The following TAF1 variants were observed in gnomAD, a reference collection of about 807,000 sequenced individuals.
TAF1 encodes the protein TATA-box binding protein associated factor 1.
Under a neutral mutation model 138.5 loss-of-function variants are expected in TAF1, and 2 were observed. That is an observed-to-expected ratio of 0.01 (90% CI 0.01 to 0.05). The LOEUF (loss-of-function observed/expected upper bound fraction) is 0.05. TAF1 is among the 10% of genes least tolerant of loss of function. The probability of loss-of-function intolerance (pLI) is 1.00; values close to 1 mark genes in which losing one functional copy is unlikely to be tolerated. For synonymous variants in TAF1, 437 were observed against 503.2 expected, an observed-to-expected ratio of 0.87 and a Z score of 1.76; for missense variants, 709 against 1,478.0, an observed-to-expected ratio of 0.48 and a Z score of 8.53.
intron 13 of TAF1, among the ~76,000 whole-genome samples, chrX:71,515,346 G>A (rs2039806747): frequency 8.9e-6 from 1 of 111,773 alleles, no homozygotes; most frequent in African/African-American, 3.3e-5. Context: ...CTTCACCCCA[G>A]AGGCAGCCTT....
chrX:71,436,530 A>G (rs1217987054), intron 32 of TAF1, among the ~76,000 whole-genome samples: 3 of 108,129 alleles, frequency 2.8e-5, no homozygotes, highest in Non-Finnish European at 5.8e-5. Flanking sequence ...GTTTTTTTGT[A>G]GAGATGGGGT....
chrX:71,392,573 G>A lies in TAF1; in HGVS notation c.2786G>A (p.Arg929His), dbSNP rs1234368315. ...GAATCTTTTTCTTTATCTCAGGTTCGCACTGCCCCTTGGAACACCACAAGG... is the reference window on the plus strand; with the variant it reads ...GAATCTTTTTCTTTATCTCAGGTTCACACTGCCCCTTGGAACACCACAAGG... Reference protein sequence around the residue: ...DFQMKIDDEVRTAPWNTTRAF... With the variant: ...DFQMKIDDEVHTAPWNTTRAF... Residue 929 changes from arginine to histidine, a missense_variant, in exon 19 of 38, where the codon CGC becomes CAC. By Grantham distance (29) the Arg-to-His change is conservative (BLOSUM62 0). Coordinates refer to ENST00000423759, the MANE Select transcript of TAF1 (RefSeq NM_004606.5). 2.6e-6 allele frequency: 3 copies of A among 1,166,911 alleles called. No individual in the cohort carries two copies. Among genetic ancestry groups the A allele is most frequent in the Admixed American group, 2.8e-5 (1 of 35,556 alleles).
At chrX:71,438,060 T>A (rs1294434980) in intron 32 of TAF1, among the ~76,000 whole-genome samples, 2 of 110,085 alleles carry the variant, frequency 1.8e-5, no homozygotes, top group African/African-American at 6.6e-5. Context: ...GGTCTCAAAC[T>A]CCTGACCTCA....
At chrX:71,378,039 G>A in intron 6 of TAF1, 196 bp from the exon 7 acceptor site, 1 of 590,367 alleles carries the variant, frequency 1.7e-6, no homozygotes, top group Non-Finnish European at 2.6e-6. Context: ...AGGGGTAGAT[G>A]GTGATATGCT....
chrX:71,441,454 A>T (rs1473150102), intron 32 of TAF1, among the ~76,000 whole-genome samples: 1 of 111,176 alleles, frequency 9.0e-6, no homozygotes, highest in East Asian at 2.8e-4. Context: ...TAGCAATTGT[A>T]CATATTCTTG....
At chrX:71,420,593 A>G in intron 28 of TAF1, 2 of 1,208,748 alleles carry the variant, frequency 1.7e-6, no homozygotes, top group South Asian at 3.5e-5. Flanking sequence ...TAGCTCCTTT[A>G]GCTTCTCAGC....
chrX:71,437,953 A>C (rs2037229220), intron 32 of TAF1, among the ~76,000 whole-genome samples: 1 of 105,843 alleles, frequency 9.4e-6, no homozygotes, highest in Non-Finnish European at 1.9e-5. Flanking sequence ...CTCCTGCCTC[A>C]GCCTCCAGAG....
At chrX:71,381,001 C>G (rs1481875620) in intron 8 of TAF1, among the ~76,000 whole-genome samples, 1 of 111,374 alleles carries the variant, frequency 9.0e-6, no homozygotes, top group African/African-American at 3.3e-5. Context: ...ACAAAAATGT[C>G]TGATTTTTAA....
chrX:71,502,148 C>T (rs982004240), intron 13 of TAF1, among the ~76,000 whole-genome samples: 2 of 111,740 alleles, frequency 1.8e-5, no homozygotes, highest in Non-Finnish European at 3.8e-5. Context: ...CCTTATTTGT[C>T]CCTGCCCACG....
intron 13 of TAF1, among the ~76,000 whole-genome samples, chrX:71,472,256 AT>A (rs2038903830): frequency 8.9e-6 from 1 of 112,001 alleles, no homozygotes. Context: ...TTAATAGTTT[AT>A]TGAATTAATT....
At chrX:71,523,894 A>T (rs1316835681) in intron 13 of TAF1, among the ~76,000 whole-genome samples, 2 of 111,861 alleles carry the variant, frequency 1.8e-5, no homozygotes, top group Non-Finnish European at 3.8e-5. Flanking sequence ...ATCCTAATAT[A>T]GATGCACAGG....
rs753870852 is a variant in TAF1, at chrX:71,482,549, G to T, written c.1366+21746G>T. On this transcript the variant is annotated intron_variant and NMD_transcript_variant, in intron 13 of 14. Coordinates refer to the TAF1 transcript ENST00000373775. ...ATATAAGTTATGTTTACACTATATT[G>T]TAGTCTATTAAATGTGCAATAGCAC... Among the ~76,000 whole-genome samples the T allele has an allele frequency of 6.2e-5, 7 of 112,279 alleles. No homozygotes were observed. The Admixed American group carries it at 6.6e-4, about 11-fold the overall frequency.
intron 32 of TAF1, among the ~76,000 whole-genome samples, chrX:71,433,842 C>A (rs759879390): frequency 1.3e-4 from 14 of 109,392 alleles, no homozygotes; most frequent in Admixed American, 3.9e-4. Context: ...ACTTTCCCCC[C>A]TCCTTAACCA....
exon 15 of TAF1, chrX:71,529,881 T>C (rs2040071472): frequency 3.8e-6 from 1 of 259,878 alleles, no homozygotes; most frequent in African/African-American, 2.8e-5. Context: ...TATTGGTCTT[T>C]GAGCTCTCAC....
chrX:71,373,255 C>T (rs1009080454), intron 3 of TAF1, among the ~76,000 whole-genome samples: 4 of 107,035 alleles, frequency 3.7e-5, no homozygotes, highest in Non-Finnish European at 7.7e-5. Context: ...GTAACCTCTG[C>T]CTCCCCGGTT....
At chrX:71,488,072 CT>C (rs1423230749) in intron 13 of TAF1, among the ~76,000 whole-genome samples, 1 of 110,870 alleles carries the variant, frequency 9.0e-6, no homozygotes, top group Non-Finnish European at 1.9e-5. Flanking sequence ...TAATCTAGGA[CT>C]AGATTTGTTG....
intron 13 of TAF1, among the ~76,000 whole-genome samples, chrX:71,489,842 T>A (rs996109253): frequency 3.6e-5 from 4 of 111,680 alleles, no homozygotes; most frequent in Non-Finnish European, 7.5e-5. Context: ...TTACAAAATA[T>A]TTCTTATAGC....
intron 13 of TAF1, among the ~76,000 whole-genome samples, chrX:71,510,159 C>T (rs1350826674): frequency 9.0e-6 from 1 of 110,518 alleles, no homozygotes. Flanking sequence ...AAGATCCTGT[C>T]TCTTAAAAAG....
chrX:71,424,369 G>A (rs2036494717), intron 32 of TAF1, 131 bp downstream of exon 32: 3 of 374,756 alleles, frequency 8.0e-6, no homozygotes, highest in Non-Finnish European at 8.6e-6. Context: ...ATGCTGTGGT[G>A]TGATCATAGT....
Sources: gnomAD v4.1 joint callset for allele counts (sites outside exome capture counted in the v4.1 genomes callset) on GRCh38, gnomAD v4.1.1 for gene constraint, MANE v1.5 for transcripts, NCBI Gene and HGNC (gene_info 2026-07-23, HGNC 2026-07-21) for gene names.